RHOT1: variants seen among roughly 807,000 people sequenced by gnomAD.
RHOT1 encodes the protein mitochondrial Rho GTPase 1.
RHOT1 carries 27 observed loss-of-function variants against 95.3 expected under a neutral mutation model. The observed-to-expected ratio is 0.28, with a 90% confidence interval of 0.21 to 0.39. RHOT1 has a LOEUF of 0.39. Ranked by LOEUF, RHOT1 falls within the 10% of genes least tolerant of loss-of-function variation. The pLI is 1.00. For missense variants in RHOT1, 578 were observed against 786.7 expected, an observed-to-expected ratio of 0.73 and a Z score of 3.17; for synonymous variants, 227 against 263.5, an observed-to-expected ratio of 0.86 and a Z score of 1.34.
At chr17:32,221,757 A>T (rs1431917895) in intron 19 of RHOT1, among the ~76,000 whole-genome samples, 2 of 152,212 alleles carry the variant, frequency 1.3e-5, no homozygotes, top group East Asian at 1.9e-4. Flanking sequence ...ATCTATATTG[A>T]TCTTGAAATG....
intron 1 of RHOT1, among the ~76,000 whole-genome samples, chr17:32,170,701 T>C (rs1232967912): frequency 1.3e-5 from 2 of 152,184 alleles, no homozygotes; most frequent in Admixed American, 6.5e-5. Flanking sequence ...AATTAAGTGA[T>C]AAAGGAAAAT....
At chr17:32,168,621 A>G (rs1288759088) in intron 1 of RHOT1, among the ~76,000 whole-genome samples, 1 of 148,248 alleles carries the variant, frequency 6.7e-6, no homozygotes, top group Non-Finnish European at 1.5e-5. Context: ...TATAATATTT[A>G]TATATATAAA....
chr17:32,190,774 C>CATAA (rs2036430510), intron 8 of RHOT1, among the ~76,000 whole-genome samples: 1 of 152,050 alleles, frequency 6.6e-6, no homozygotes. Context: ...ATTTAGTACT[C>CATAA]TTTTATAAGG....
At chr17:32,201,527 G>A (rs1197673806) in intron 14 of RHOT1, among the ~76,000 whole-genome samples, 1 of 152,148 alleles carries the variant, frequency 6.6e-6, no homozygotes, top group Non-Finnish European at 1.5e-5. Flanking sequence ...TATCCCTGTT[G>A]GTGGAAAATC....
intron 6 of RHOT1, among the ~76,000 whole-genome samples, chr17:32,178,480 G>A (rs150679964): frequency 1.7e-3 from 256 of 152,098 alleles, no homozygotes; most frequent in South Asian, 8.5e-3. Context: ...ACGGAGTCTC[G>A]CTCACTCAAT....
chr17:32,183,318 C>T, intron 8 of RHOT1, 46 bp downstream of exon 8: 1 of 1,089,090 alleles, frequency 9.2e-7, no homozygotes. Flanking sequence ...TGTAGTAACT[C>T]TAGTATGGTA....
chr17:32,191,896 T>C (rs918771502), intron 8 of RHOT1, among the ~76,000 whole-genome samples: 16 of 152,152 alleles, frequency 1.1e-4, no homozygotes, highest in Non-Finnish European at 2.2e-4. Flanking sequence ...AAGATATAAA[T>C]AAATAAACAG....
chr17:32,182,143 C>G (rs1453861612), intron 6 of RHOT1, among the ~76,000 whole-genome samples: 1 of 152,134 alleles, frequency 6.6e-6, no homozygotes, highest in Non-Finnish European at 1.5e-5. Context: ...ATAGTACTTA[C>G]TGAATTGGAA....
intron 1 of RHOT1, among the ~76,000 whole-genome samples, chr17:32,166,204 AG>A: frequency 6.6e-6 from 1 of 151,870 alleles, no homozygotes; most frequent in South Asian, 2.1e-4. Flanking sequence ...AAAAAAAAAA[AG>A]TTATGTTCAT....
At chr17:32,207,153 T>C in intron 17 of RHOT1, 124 bp downstream of exon 17, 1 of 876,970 alleles carries the variant, frequency 1.1e-6, no homozygotes, top group East Asian at 2.6e-5. Context: ...AATACATACA[T>C]CTTTACCCTA....
chr17:32,201,716 G>T (rs142303334), intron 14 of RHOT1, among the ~76,000 whole-genome samples: 164 of 152,286 alleles, frequency 1.1e-3, no homozygotes, highest in African/African-American at 3.3e-3. Flanking sequence ...ACATTTTTCT[G>T]TATCAATAGG....
At chr17:32,160,044 GA>G (rs1179718513) in intron 1 of RHOT1, 1 of 152,340 alleles carries the variant, frequency 6.6e-6, no homozygotes, top group Non-Finnish European at 1.5e-5. Flanking sequence ...CAGACCAGAA[GA>G]GAGACGACGG....
chr17:32,218,549 C>T (rs1161899092), intron 19 of RHOT1, among the ~76,000 whole-genome samples: 1 of 150,304 alleles, frequency 6.7e-6, no homozygotes, highest in African/African-American at 2.5e-5. Context: ...GTTTCACACT[C>T]ATAATTTGAG....
chr17:32,205,965 T>C (rs1020540275), intron 16 of RHOT1, among the ~76,000 whole-genome samples: 1 of 152,076 alleles, frequency 6.6e-6, no homozygotes, highest in African/African-American at 2.4e-5. Context: ...TAAAGAGTCA[T>C]TTGCTTTTTG....
intron 19 of RHOT1, among the ~76,000 whole-genome samples, chr17:32,218,566 T>C (rs1257429747): frequency 2.6e-5 from 4 of 150,972 alleles, no homozygotes; most frequent in Admixed American, 6.6e-5. Context: ...TGAGCACTTT[T>C]GGAGATCGAG....
At chr17:32,173,400 G>A (rs986339355) in intron 2 of RHOT1, among the ~76,000 whole-genome samples, 3 of 152,154 alleles carry the variant, frequency 2.0e-5, no homozygotes, top group Admixed American at 6.5e-5. Flanking sequence ...GTGCTAAAAA[G>A]TTTAGAATTT....
In RHOT1 at chr17:32,142,666, G is replaced by A. The variant is rs1432240004; in HGVS notation, c.-27G>A. On this transcript the variant is annotated 5_prime_UTR_variant, in exon 1 of 20. Coordinates refer to ENST00000545287, the MANE Select transcript of RHOT1 (RefSeq NM_001033566.3). ...AGGAGTCCACTCCGTGCGTGCGGGC[G>A]GAGGCCGGCCCCCGAGAGCCGCCGA... The A allele has an allele frequency of 3.9e-6, 6 of 1,524,372 alleles. No homozygotes were observed. Among genetic ancestry groups the A allele is most frequent in the East Asian group, 2.5e-5 (1 of 40,060 alleles). 94.4% of individuals were successfully genotyped at this position (1,524,372 alleles called of 1,614,324 possible).
chr17:32,151,881 CAAAAAAAAAA>C (rs60313146), intron 1 of RHOT1, among the ~76,000 whole-genome samples: 1 of 60,824 alleles, frequency 1.6e-5, no homozygotes, highest in Non-Finnish European at 3.7e-5. Context: ...GACTCCGTCT[CAAAAAAAAAA>C]AAAAAAAAAA....
intron 2 of RHOT1, among the ~76,000 whole-genome samples, chr17:32,171,380 C>T (rs1355115445): frequency 2.0e-5 from 3 of 152,158 alleles, no homozygotes; most frequent in Non-Finnish European, 4.4e-5. Context: ...GCCACTGTGC[C>T]CTGCCAGTTG....
Sources: allele counts gnomAD v4.1 joint callset (sites outside exome capture counted in the v4.1 genomes callset), GRCh38; gene constraint gnomAD v4.1.1; transcripts MANE v1.5; gene names NCBI Gene and HGNC (gene_info 2026-07-23, HGNC 2026-07-21).